The following OSBPL10 variants were observed in gnomAD, a reference collection of about 807,000 sequenced individuals.
OSBPL10 encodes the protein oxysterol binding protein like 10.
Under a neutral mutation model 81.7 loss-of-function variants are expected in OSBPL10, and 49 were observed. The ratio of observed to expected loss-of-function variants is 0.60; its 90% CI spans 0.48 to 0.76. The LOEUF (loss-of-function observed/expected upper bound fraction) is 0.76, where lower values mean the gene tolerates loss of function less well. Ranked by LOEUF, OSBPL10 falls within the 30% of genes least tolerant of loss-of-function variation. OSBPL10 has a pLI of 0.00. For synonymous variants in OSBPL10, 419 were observed against 383.6 expected, an observed-to-expected ratio of 1.09 and a Z score of -1.08; for missense variants, 923 against 987.8, an observed-to-expected ratio of 0.93 and a Z score of 0.88.
At chr3:31,728,605 C>A (rs1205182842) in intron 6 of OSBPL10, among the ~76,000 whole-genome samples, 2 of 152,184 alleles carry the variant, frequency 1.3e-5, no homozygotes, top group Non-Finnish European at 2.9e-5. Context: ...GAATGATTCA[C>A]ATAACATGGA....
chr3:32,026,127 T>C (rs899937183), intron 2 of OSBPL10, among the ~76,000 whole-genome samples: 8 of 151,286 alleles, frequency 5.3e-5, no homozygotes, highest in Admixed American at 4.0e-4. Flanking sequence ...GAGACAGAGA[T>C]AGAGATAGAG....
intron 3 of OSBPL10, among the ~76,000 whole-genome samples, chr3:31,837,341 AT>A (rs1313831222): frequency 4.0e-5 from 1 of 25,038 alleles, no homozygotes; most frequent in East Asian, 2.3e-3. Context: ...ATATATATAT[AT>A]ATATATATAT....
chr3:31,883,498 C>T (rs1477429504), intron 1 of OSBPL10, among the ~76,000 whole-genome samples: 1 of 151,846 alleles, frequency 6.6e-6, no homozygotes, highest in African/African-American at 2.4e-5. Flanking sequence ...CCTCAGCCTC[C>T]CATAGTGCTG....
intron 4 of OSBPL10, among the ~76,000 whole-genome samples, chr3:31,779,398 A>G (rs1220870191): frequency 6.6e-6 from 1 of 152,230 alleles, no homozygotes; most frequent in Non-Finnish European, 1.5e-5. Context: ...ATGGACACCA[A>G]AAGTGAGCAG....
At chr3:31,989,658 A>G (rs1234357136) in intron 2 of OSBPL10, 2 of 1,614,032 alleles carry the variant, frequency 1.2e-6, no homozygotes, top group East Asian at 2.2e-5. Context: ...TAACGTCCCA[A>G]AGAATTTCTT....
intron 1 of OSBPL10, among the ~76,000 whole-genome samples, chr3:31,965,749 ATATATTATATTAAAAGATAAT>A (rs1698356933): frequency 1.5e-5 from 1 of 68,766 alleles, no homozygotes; most frequent in East Asian, 4.9e-4. Flanking sequence ...TTTATATAAT[ATATATTATATTAAAAGATAAT>A]ATATATTATA....
At chr3:31,992,078 A>C (rs1003056617) in intron 2 of OSBPL10, among the ~76,000 whole-genome samples, 82 of 151,412 alleles carry the variant, frequency 5.4e-4, no homozygotes, top group African/African-American at 1.9e-3. Flanking sequence ...CCTGGGAGGC[A>C]GAGGTCGCAG....
intron 2 of OSBPL10, among the ~76,000 whole-genome samples, chr3:32,014,935 G>A (rs1008903034): frequency 1.3e-5 from 2 of 152,096 alleles, no homozygotes; most frequent in Non-Finnish European, 2.9e-5. Context: ...ACTGCTCAAG[G>A]AAATAAAAGA....
intron 2 of OSBPL10, among the ~76,000 whole-genome samples, chr3:32,031,729 C>T (rs1233066798): frequency 6.6e-6 from 1 of 152,288 alleles, no homozygotes; most frequent in East Asian, 1.9e-4. Context: ...GCTGGGATTA[C>T]AGGCGTAAGC....
rs988349995 is a variant in OSBPL10, at chr3:31,721,077, C to T, written c.1095+12180G>A. ...GGCCCTTAAGAGTGGAAGAGGGAAG[C>T]AGAAGAGGGAAGTCAGAGGGAGATG... On this transcript the variant is annotated intron_variant, in intron 6 of 11. Transcript: ENST00000396556. 2.6e-5 allele frequency among the ~76,000 whole-genome samples: 4 copies of T among 151,916 alleles called. 1 individual carries two copies. Among genetic ancestry groups the T allele is most frequent in the Non-Finnish European group, 5.9e-5 (4 of 67,996 alleles).
chr3:31,915,524 G>A (rs554037045), intron 1 of OSBPL10, among the ~76,000 whole-genome samples: 29 of 152,188 alleles, frequency 1.9e-4, no homozygotes, highest in Admixed American at 1.3e-3. Flanking sequence ...ACCAAATGCC[G>A]CATATTCTCA....
At position 31,880,869 on chromosome 3, in the gene OSBPL10, T is replaced by C. The variant is rs969436420; in HGVS notation, c.282-1039A>G. ...TTCAATATCCAAATGCATAGATCAGTTGGACAAGTCTCAACAGTTCAGAAG... is the reference window on the plus strand; with the variant it reads ...TTCAATATCCAAATGCATAGATCAGCTGGACAAGTCTCAACAGTTCAGAAG... On this transcript the variant is annotated intron_variant, in intron 1 of 11. Coordinates refer to ENST00000396556, the MANE Select transcript of OSBPL10 (RefSeq NM_017784.5). Among the ~76,000 whole-genome samples, 13 of 152,202 alleles carry C rather than the reference T, an allele frequency of 8.5e-5. 1 individual carries two copies. The highest frequency in any genetic ancestry group is 7.9e-4 in the Admixed American group (12 of 15,276).
chr3:31,697,084 CTTACT>C lies in OSBPL10; in HGVS notation c.1245+5270_1245+5274del, dbSNP rs569698192. ...CCTTCAATCTGGCCTGAATCTGTGACTTACTTTAATCAATAAAATAGAAGTGATCT... is the reference window on the plus strand; with the variant it reads ...CCTTCAATCTGGCCTGAATCTGTGACTTAATCAATAAAATAGAAGTGATCT... On this transcript the variant is annotated intron_variant, in intron 7 of 11. Coordinates refer to ENST00000396556, the MANE Select transcript of OSBPL10 (RefSeq NM_017784.5). 1.8e-3 allele frequency among the ~76,000 whole-genome samples: 278 copies of C among 152,318 alleles called. 2 individuals carry two copies. The highest frequency in any genetic ancestry group is 6.3e-3 in the African/African-American group (261 of 41,574).
chr3:31,981,709 T>TCCACCCGGATATGGAC (rs1432752369), upstream of OSBPL10: 1 of 152,292 alleles, frequency 6.6e-6, no homozygotes, highest in East Asian at 1.9e-4. The surrounding 1 kb of genome is among the most constrained non-coding windows in gnomAD (Gnocchi z 4.5). Flanking sequence ...ACCCACCCGG[T>TCCACCCGGATATGGAC]CCACCCGGAT....
In OSBPL10 at chr3:31,795,789, A is replaced by T. The variant is rs1018898636; in HGVS notation, c.729+34251T>A. 3 of 242,384 alleles carry T rather than the reference A, an allele frequency of 1.2e-5. No homozygotes were observed. The South Asian group carries it at 2.2e-4, about 17-fold the overall frequency. The allele number at this position is 242,384 out of a possible 1,614,324, so 15.0% of individuals were successfully genotyped here. A position where few individuals can be genotyped will look rare whatever the true frequency, so the allele number is the denominator to read the frequency against. On this transcript the variant is annotated intron_variant, in intron 4 of 11. Transcript: ENST00000396556. ...CTTATAGTTGTGGGGAATGTGGGAA[A>T]TTATTTTACAAGAAGTCTCACTTCC...
intron 1 of OSBPL10, among the ~76,000 whole-genome samples, chr3:31,909,737 G>A (rs983200823): frequency 1.4e-4 from 21 of 152,008 alleles, no homozygotes; most frequent in African/African-American, 4.6e-4. Context: ...TTCCAGGGCC[G>A]TTCTTCACAT....
intron 11 of OSBPL10, 108 bp from the exon 12 acceptor site, chr3:31,662,224 C>T (rs1314148388): frequency 3.2e-6 from 5 of 1,566,182 alleles, no homozygotes; most frequent in Non-Finnish European, 3.5e-6. Context: ...CTTAATACCT[C>T]ACACGCAGGC....
rs762396380 is a variant in OSBPL10 at position 31,683,944 on chromosome 3, GC to G, written c.1415del (p.Gly472AlafsTer3). ...GGTTGTAGGGCTTCTTGGCTAAAGC[GC>G]CCTTGCGGCCCTCGTGAAAGGCTGT... ...YLTAFHEGRKGALAKKPYNPI... is the reference protein window; with the variant it reads ...YLTAFHEGRKXALAKKPYNPI... On this transcript the variant is annotated frameshift_variant, in exon 8 of 12. Coordinates refer to ENST00000396556, the MANE Select transcript of OSBPL10 (RefSeq NM_017784.5). LOFTEE classifies it high-confidence loss of function. The G allele has an allele frequency of 1.9e-6, 3 of 1,614,118 alleles. No individual in the cohort carries two copies. The African/African-American group carries it at 4.0e-5, about 22-fold the overall frequency.
At chr3:32,068,319 C>G (rs1699796970) in intron 1 of OSBPL10, among the ~76,000 whole-genome samples, 1 of 152,092 alleles carries the variant, frequency 6.6e-6, no homozygotes. Flanking sequence ...GGATGCCTGC[C>G]TTGGTCATTC....
Sources: gnomAD v4.1 joint callset for allele counts (sites outside exome capture counted in the v4.1 genomes callset) on GRCh38, gnomAD v4.1.1 for gene constraint, Gnocchi (gnomAD v3.1) non-coding constraint, MANE v1.5 for transcripts, NCBI Gene and HGNC (gene_info 2026-07-23, HGNC 2026-07-21) for gene names.